ANXA5: variants seen among roughly 807,000 people sequenced by gnomAD.
ANXA5 encodes annexin A5.
In ANXA5, 40 loss-of-function variants were observed where a neutral mutation model predicts 48.1. That is an observed-to-expected ratio of 0.83 (90% CI 0.65 to 1.08). The LOEUF is 1.08. Among genes scored for constraint, ANXA5 ranks in the 50% least tolerant of loss-of-function variants. ANXA5 has a pLI of 0.00. For synonymous variants in ANXA5, 113 were observed against 129.1 expected (o/e 0.88, Z 0.85); for missense variants, 357 against 376.8 (o/e 0.95, Z 0.44).
At chr4:121,673,011 T>A (rs1429028389) in intron 8 of ANXA5, among the ~76,000 whole-genome samples, 1 of 152,226 alleles carries the variant, frequency 6.6e-6, no homozygotes, top group African/African-American at 2.4e-5. Context: ...GGAAGCTAAG[T>A]TGTCTGCCTT....
At chr4:121,695,665 G>T (rs571964543) in intron 2 of ANXA5, among the ~76,000 whole-genome samples, 10 of 152,120 alleles carry the variant, frequency 6.6e-5, no homozygotes, top group Non-Finnish European at 1.2e-4. Context: ...ACAGTCCTGA[G>T]GCCGAGGCGG....
chr4:121,696,340 G>A (rs1725081172), intron 2 of ANXA5, among the ~76,000 whole-genome samples: 2 of 152,130 alleles, frequency 1.3e-5, no homozygotes, highest in Non-Finnish European at 2.9e-5. Context: ...ACCAGCTGTT[G>A]CGCGCGAAGG....
chr4:121,694,107 G>GC (rs1373728620), intron 2 of ANXA5, among the ~76,000 whole-genome samples: 3 of 43,604 alleles, frequency 6.9e-5, no homozygotes, highest in South Asian at 5.1e-4. Context: ...GTGGGCGGGG[G>GC]GGAGGGGGGA....
intron 8 of ANXA5, among the ~76,000 whole-genome samples, chr4:121,673,190 T>C (rs1724640089): frequency 6.6e-6 from 1 of 152,216 alleles, no homozygotes; most frequent in South Asian, 2.1e-4. Flanking sequence ...GTGCCTGGCA[T>C]ATAGAAGCAC....
chr4:121,683,324 C>T, intron 5 of ANXA5, 40 bp downstream of exon 5: 2 of 1,190,222 alleles, frequency 1.7e-6, no homozygotes, highest in South Asian at 3.3e-5. Context: ...CAAAATAATA[C>T]TATCTATGCA....
At chr4:121,683,301 G>T in intron 5 of ANXA5, 63 bp downstream of exon 5, 1 of 958,208 alleles carries the variant, frequency 1.0e-6, no homozygotes, top group Non-Finnish European at 1.5e-6. Context: ...ATAAGAGGAA[G>T]TAATTACCAA....
At chr4:121,689,598 A>G (rs943843872) in intron 2 of ANXA5, among the ~76,000 whole-genome samples, 5 of 152,240 alleles carry the variant, frequency 3.3e-5, no homozygotes, top group Admixed American at 2.0e-4. Context: ...TAAAGAGTTA[A>G]GTATTTCAGC....
chr4:121,676,693 G>T (rs1298515022), intron 8 of ANXA5, among the ~76,000 whole-genome samples: 1 of 150,794 alleles, frequency 6.6e-6, no homozygotes, highest in Non-Finnish European at 1.5e-5. Context: ...GGGGGGGTAT[G>T]GTTTTCCCTG....
At chr4:121,669,358 C>T in intron 12 of ANXA5, 1 of 431,140 alleles carries the variant, frequency 2.3e-6, no homozygotes, top group Non-Finnish European at 4.1e-6. Context: ...CATCTGTTAC[C>T]ACTACTAAAT....
chr4:121,668,416 A>T lies in ANXA5; in HGVS notation c.*52T>A. 6.5e-7 allele frequency: 1 copy of T among 1,538,588 alleles called. No homozygotes were observed. The highest frequency in any genetic ancestry group is 9.0e-7 in the Non-Finnish European group (1 of 1,111,796). ...CAAATGCAGCTAAAGGTGCTGAAGG[A>T]AGGCAGTGGGGTGGTGCAGGCACAC... On this transcript the variant is annotated 3_prime_UTR_variant, in exon 13 of 13. Coordinates refer to ENST00000296511, the MANE Select transcript of ANXA5 (RefSeq NM_001154.4).
chr4:121,677,914 G>T lies in ANXA5; in HGVS notation c.511C>A (p.Gln171Lys). 6.2e-7 allele frequency: 1 copy of T among 1,613,676 alleles called. No individual in the cohort carries two copies. Among genetic ancestry groups the T allele is most frequent in the South Asian group, 1.1e-5 (1 of 91,052 alleles). The change falls in exon 8 of 13, where the codon CAA (glutamine) becomes AAA (lysine). Residue 171 changes from glutamine to lysine, a missense_variant. Transcript: ENST00000296511. The part of the protein sequence containing the change: ...RDPDAGIDEA[Q>K]VEQDAQALFQ... ...CTCACCTGAGCATCTTGTTCAACTT[G>T]AGCTTCATCAATTCCAGCATCAGGG...
In ANXA5 at chr4:121,672,608, C is replaced by T. The variant is rs1229788278; in HGVS notation, c.550G>A (p.Glu184Lys). 3 of 1,613,604 alleles carry T rather than the reference C, an allele frequency of 1.9e-6. No homozygotes were observed. The Admixed American group carries it at 5.0e-5, about 27-fold the overall frequency. Residue 184 changes from glutamate to lysine, a missense_variant, in exon 9 of 13, where the codon GAA (glutamate) becomes AAA (lysine). Glu to Lys is a moderately conservative substitution (Grantham distance 56, BLOSUM62 1). Coordinates refer to ENST00000296511, the MANE Select transcript of ANXA5 (RefSeq NM_001154.4). ...TCTTCATCTGTCCCCCATTTAAGTT[C>T]TCCAGCCTGAAATAAAGCCTGCAAA... ...QDAQALFQAG[E>K]LKWGTDEEKF...
chr4:121,671,919 A>C lies in ANXA5; in HGVS notation c.626-277T>G, dbSNP rs528416464. On this transcript the variant is annotated intron_variant, in intron 9 of 12. Coordinates refer to ENST00000296511, the MANE Select transcript of ANXA5 (RefSeq NM_001154.4). ...GCTGAGAAATCTCCTCACTTACAAA[A>C]AGTGATACACAGATAGGACTAGTTT... is the stretch of plus-strand genomic sequence containing the variant. Among the ~76,000 whole-genome samples the C allele has an allele frequency of 2.0e-5, 3 of 152,328 alleles. No individual in the cohort carries two copies. The South Asian group carries it at 6.2e-4, about 32-fold the overall frequency.
intron 3 of ANXA5, 128 bp from the exon 4 acceptor site, chr4:121,684,899 G>A: frequency 3.0e-6 from 2 of 674,892 alleles, no homozygotes; most frequent in Non-Finnish European, 5.0e-6. Context: ...TATATTTTAT[G>A]GCCGGCGCAG....
chr4:121,696,486 A>T, intron 2 of ANXA5, 95 bp downstream of exon 2: 3 of 1,207,460 alleles, frequency 2.5e-6, no homozygotes, highest in Non-Finnish European at 3.2e-6. Context: ...CTTTCCTCCT[A>T]AACTTTTTGG....
chr4:121,696,185 T>C (rs926472049), intron 2 of ANXA5, among the ~76,000 whole-genome samples: 1 of 42,792 alleles, frequency 2.3e-5, no homozygotes, highest in African/African-American at 8.5e-5. Context: ...GGGGGCGGGG[T>C]GGGGGGGGAA....
At chr4:121,678,806 C>A (rs1439494983) in intron 6 of ANXA5, among the ~76,000 whole-genome samples, 1 of 152,186 alleles carries the variant, frequency 6.6e-6, no homozygotes, top group African/African-American at 2.4e-5. Context: ...AAAACACAAT[C>A]AATCATAAGC....
chr4:121,696,246 T>C (rs1424590384), intron 2 of ANXA5, among the ~76,000 whole-genome samples: 2 of 152,148 alleles, frequency 1.3e-5, no homozygotes, highest in Non-Finnish European at 1.5e-5. Context: ...CGGTTCTAAT[T>C]TGAGCTACTC....
chr4:121,678,750 A>G (rs1484367577), intron 6 of ANXA5, among the ~76,000 whole-genome samples: 2 of 152,176 alleles, frequency 1.3e-5, no homozygotes, highest in African/African-American at 4.8e-5. Flanking sequence ...CTCTCGACCA[A>G]TGTAGTCATT....
Sources: gnomAD v4.1 joint callset for allele counts (sites outside exome capture counted in the v4.1 genomes callset) on GRCh38, gnomAD v4.1.1 for gene constraint, MANE v1.5 for transcripts, NCBI Gene and HGNC (gene_info 2026-07-23, HGNC 2026-07-21) for gene names.